Variants in CACNA2D3 observed in about 807,000 individuals in gnomAD.
CACNA2D3 encodes voltage-dependent calcium channel subunit alpha-2/delta-3.
CACNA2D3 carries 60 observed loss-of-function variants against 160.6 expected under a neutral mutation model. The ratio of observed to expected loss-of-function variants is 0.37; its 90% CI spans 0.30 to 0.46. The LOEUF (loss-of-function observed/expected upper bound fraction) is 0.46. Ranked by LOEUF, CACNA2D3 falls within the 20% of genes least tolerant of loss-of-function variation. CACNA2D3 has a pLI of 1.00. For missense variants in CACNA2D3, 1,205 were observed against 1,365.0 expected (o/e 0.88, Z 1.85); for synonymous variants, 558 against 492.9 (o/e 1.13, Z -1.75).
intron 27 of CACNA2D3, among the ~76,000 whole-genome samples, chr3:54,966,362 G>C (rs1435840918): frequency 6.6e-6 from 1 of 152,172 alleles, no homozygotes; most frequent in Non-Finnish European, 1.5e-5. Flanking sequence ...CTCAAAATCA[G>C]CTTCTTTCAG....
At chr3:55,032,381 A>C (rs1703704880) in intron 35 of CACNA2D3, among the ~76,000 whole-genome samples, 1 of 152,210 alleles carries the variant, frequency 6.6e-6, no homozygotes, top group South Asian at 2.1e-4. Flanking sequence ...TAAGGGAAGA[A>C]ATCTACAAGC....
Position 54,846,474 on chromosome 3 carries a change from G to C in CACNA2D3, c.1626+7G>C. 6.4e-7 allele frequency: 1 copy of C among 1,556,742 alleles called. No homozygotes were observed. Among genetic ancestry groups the C allele is most frequent in the Non-Finnish European group, 8.8e-7 (1 of 1,136,704 alleles). On this transcript the variant is annotated splice_region_variant and intron_variant, in intron 17 of 37. Coordinates refer to ENST00000474759, the MANE Select transcript of CACNA2D3 (RefSeq NM_018398.3). Reference sequence around the variant, plus strand: ...TCCGGAACTCAGGCTGCTGGTAAGAGAAATTATGTACTTCTGCATTTCTGC... The same window carrying C: ...TCCGGAACTCAGGCTGCTGGTAAGACAAATTATGTACTTCTGCATTTCTGC...
At chr3:54,680,304 T>G (rs1247723918) in intron 11 of CACNA2D3, among the ~76,000 whole-genome samples, 1 of 152,248 alleles carries the variant, frequency 6.6e-6, no homozygotes, top group East Asian at 1.9e-4. Context: ...ACACTTCCTT[T>G]TTATTCTAAG....
Position 54,984,653 on chromosome 3 carries a change from T to A in CACNA2D3, c.2602T>A (p.Ser868Thr). The A allele has an allele frequency of 6.4e-7, 1 of 1,562,948 alleles. No individual in the cohort carries two copies. The highest frequency in any genetic ancestry group is 1.2e-5 in the South Asian group (1 of 84,808). The change falls in exon 30 of 38, where the codon TCT (serine) becomes ACT (threonine). Residue 868 changes from serine (S) to threonine (T), a missense_variant. Physicochemically the swap from Ser to Thr is moderately conservative, Grantham distance 58. Coordinates refer to ENST00000474759, the MANE Select transcript of CACNA2D3 (RefSeq NM_018398.3). The stretch of plus-strand genomic sequence containing the variant: ...AGACAATAATGGATTTATTTTGGTG[T>A]CTGAAGACTACACACAGGTGAGTGA... ...LIDNNGFILV[S>T]EDYTQTGDFF...
chr3:54,324,665 C>T lies in CACNA2D3; in HGVS notation c.321+4107C>T, dbSNP rs79062425. On this transcript the variant is annotated intron_variant, in intron 3 of 37. Coordinates refer to ENST00000474759, the MANE Select transcript of CACNA2D3 (RefSeq NM_018398.3). ...CAGTTGTGCCCAAGGCACCATCTCT[C>T]ACCTTCATTGTTCAGACATATTTAT... Among the ~76,000 whole-genome samples, 318 of 152,202 alleles carry T rather than the reference C, an allele frequency of 2.1e-3. 3 individuals are homozygous for T. The highest frequency in any genetic ancestry group is 7.4e-3 in the African/African-American group (306 of 41,542).
At chr3:54,738,405 C>G (rs774230822) in intron 11 of CACNA2D3, among the ~76,000 whole-genome samples, 2 of 152,294 alleles carry the variant, frequency 1.3e-5, no homozygotes, top group Admixed American at 6.5e-5. Context: ...TTTGATCAGT[C>G]CCTAGTCTCC....
At chr3:54,128,735 C>G (rs1431221015) in intron 2 of CACNA2D3, among the ~76,000 whole-genome samples, 1 of 152,214 alleles carries the variant, frequency 6.6e-6, no homozygotes, top group Non-Finnish European at 1.5e-5. Context: ...ATCTTCTACA[C>G]AGGCAATGTT....
At chr3:54,285,925 C>G (rs1703010856) in intron 2 of CACNA2D3, among the ~76,000 whole-genome samples, 1 of 152,188 alleles carries the variant, frequency 6.6e-6, no homozygotes, top group Non-Finnish European at 1.5e-5. Flanking sequence ...AAAAACCCAT[C>G]TGTACGTCAC....
At chr3:54,372,721 C>T (rs1698946971) in intron 3 of CACNA2D3, among the ~76,000 whole-genome samples, 3 of 152,142 alleles carry the variant, frequency 2.0e-5, no homozygotes, top group Admixed American at 2.0e-4. Flanking sequence ...CTGAGAGAGT[C>T]AAGTGTATGA....
intron 11 of CACNA2D3, among the ~76,000 whole-genome samples, chr3:54,742,830 G>C (rs1319460479): frequency 6.6e-6 from 1 of 152,212 alleles, no homozygotes; most frequent in South Asian, 2.1e-4. Flanking sequence ...CCATCCATGG[G>C]AGGCCTTGCC....
intron 2 of CACNA2D3, among the ~76,000 whole-genome samples, chr3:54,143,644 C>T (rs959317630): frequency 2.6e-5 from 4 of 152,094 alleles, no homozygotes; most frequent in Non-Finnish European, 2.9e-5. Flanking sequence ...GGACTACAGG[C>T]GCCCGCCAGC....
At chr3:54,262,203 G>A (rs1702413359) in intron 2 of CACNA2D3, among the ~76,000 whole-genome samples, 1 of 152,166 alleles carries the variant, frequency 6.6e-6, no homozygotes, top group Non-Finnish European at 1.5e-5. Flanking sequence ...TGGCGGCAGG[G>A]CTTGGTAGAC....
intron 11 of CACNA2D3, among the ~76,000 whole-genome samples, chr3:54,697,664 A>C (rs1700689076): frequency 6.6e-6 from 1 of 152,014 alleles, no homozygotes; most frequent in African/African-American, 2.4e-5. Context: ...CACTTAACTT[A>C]TTTTTCATGC....
chr3:54,608,670 A>T (rs956014445), intron 9 of CACNA2D3, among the ~76,000 whole-genome samples: 1 of 152,242 alleles, frequency 6.6e-6, no homozygotes, highest in Non-Finnish European at 1.5e-5. Context: ...GTAGTGCTCA[A>T]AGATGTGGCT....
intron 4 of CACNA2D3, among the ~76,000 whole-genome samples, chr3:54,486,538 T>C (rs1701018085): frequency 6.6e-6 from 1 of 152,212 alleles, no homozygotes; most frequent in Admixed American, 6.5e-5. Flanking sequence ...TTCAGTATGA[T>C]TTGTCAAGGA....
intron 2 of CACNA2D3, among the ~76,000 whole-genome samples, chr3:54,168,944 C>T (rs1369988002): frequency 6.6e-6 from 1 of 152,186 alleles, no homozygotes; most frequent in Non-Finnish European, 1.5e-5. Flanking sequence ...CTGAAATTCC[C>T]TTGCTGCGCC....
At chr3:54,839,163 CA>C (rs1358203096) in intron 16 of CACNA2D3, among the ~76,000 whole-genome samples, 1 of 152,118 alleles carries the variant, frequency 6.6e-6, no homozygotes, top group Admixed American at 6.5e-5. Flanking sequence ...GAGGCTGAGG[CA>C]GGAGAATGGC....
At chr3:54,688,979 C>CAAAAAAAAAA (rs1162900126) in intron 11 of CACNA2D3, among the ~76,000 whole-genome samples, 1 of 31,440 alleles carries the variant, frequency 3.2e-5, no homozygotes. Flanking sequence ...GAGACTGTCT[C>CAAAAAAAAAA]AAAAAAAAAA....
intron 35 of CACNA2D3, among the ~76,000 whole-genome samples, chr3:55,052,912 G>T (rs533822863): frequency 1.5e-3 from 223 of 152,134 alleles, no homozygotes; most frequent in African/African-American, 5.2e-3. Context: ...GGACGTAATT[G>T]GGTTTCACCT....
Sources: allele counts gnomAD v4.1 joint callset (sites outside exome capture counted in the v4.1 genomes callset), GRCh38; gene constraint gnomAD v4.1.1; transcripts MANE v1.5; gene names NCBI Gene and HGNC (gene_info 2026-07-23, HGNC 2026-07-21).